CTAGE1: variants seen among roughly 807,000 people sequenced by gnomAD.
CTAGE1 encodes cutaneous T cell lymphoma-associated antigen 1.
For missense variants in CTAGE1, 963 were observed against 855.9 expected, an observed-to-expected ratio of 1.13 and a Z score of -1.56; for synonymous variants, 332 against 302.8, an observed-to-expected ratio of 1.10 and a Z score of -1.00.
chr18:22,414,537 G>T lies in CTAGE1; in HGVS notation c.*1037C>A, dbSNP rs1031524828. On this transcript the variant is annotated 3_prime_UTR_variant, in exon 1 of 1. Coordinates refer to ENST00000391403, the MANE Select transcript of CTAGE1 (RefSeq NM_172241.3). ...AAGGACTAATCCAAAATTTGAGGGCGTCTCTCAGGGAACACGATACATTTC... is the reference window on the plus strand; with the variant it reads ...AAGGACTAATCCAAAATTTGAGGGCTTCTCTCAGGGAACACGATACATTTC... 16 of 595,692 alleles carry T rather than the reference G, an allele frequency of 2.7e-5. No individual in the cohort carries two copies. The highest frequency in any genetic ancestry group is 4.7e-5 in the Non-Finnish European group (16 of 337,460). The allele number at this position is 595,692 out of a possible 1,614,324, so 36.9% of individuals were successfully genotyped here. A position where few individuals can be genotyped will look rare whatever the true frequency, so the allele number is the denominator to read the frequency against.
Position 22,417,008 on chromosome 18 carries a change from T to C in CTAGE1, c.804A>G (p.Glu268=), listed in dbSNP as rs752043867. The stretch of plus-strand genomic sequence containing the variant: ...TATCTAAGTAAGCACCATCTTCCGA[T>C]TCACTGTTCATTTCTAATTCCAAGT... ...DDNLELEMNS[E]SEDGAYLDNP... The change falls in exon 1 of 1, where the codon GAA becomes GAG. Residue 268 remains glutamate, a synonymous_variant. Transcript: ENST00000391403. 2 of 1,614,038 alleles carry C rather than the reference T, an allele frequency of 1.2e-6. No homozygotes were observed. The highest frequency in any genetic ancestry group is 1.7e-4 in the Middle Eastern group (1 of 6,056).
Position 22,417,779 on chromosome 18 carries a change from T to A in CTAGE1, c.33A>T (p.Pro11=). 1.9e-6 allele frequency: 3 copies of A among 1,614,170 alleles called. No homozygotes were observed. The highest frequency in any genetic ancestry group is 2.2e-5 in the South Asian group (2 of 91,080). ...CAGCTGCACGTATCACCAATTCCCA[T>A]GGAAAACCATAAGGATGAGAATCGG... The part of the protein sequence containing the change: MRPDSHPYGF[P]WELVIRAAVA... Residue 11 remains proline (P), a synonymous_variant, in exon 1 of 1, where the codon CCA becomes CCT. Transcript: ENST00000391403.
At position 22,414,991 on chromosome 18, in the gene CTAGE1, A is replaced by C. The variant is rs903152308; in HGVS notation, c.*583T>G. ...CTCAAAGTACTGAAAGAGGATATAA[A>C]ATCTATAAGACAGGAGATCCAAGAT... On this transcript the variant is annotated 3_prime_UTR_variant, in exon 1 of 1. Transcript: ENST00000391403. 4 of 588,624 alleles carry C rather than the reference A, an allele frequency of 6.8e-6. No individual in the cohort carries two copies. The highest frequency in any genetic ancestry group is 1.2e-5 in the Non-Finnish European group (4 of 334,220). The allele number at this position is 588,624 out of a possible 1,614,324, so 36.5% of individuals were successfully genotyped here.
chr18:22,417,292 A>C lies in CTAGE1; in HGVS notation c.520T>G (p.Leu174Val), dbSNP rs779924699. 10 of 1,613,762 alleles carry C rather than the reference A, an allele frequency of 6.2e-6. No homozygotes were observed. In the South Asian group the frequency reaches 1.1e-4, roughly 18 times the overall value. The part of the protein sequence containing the change: ...FKRFQANEER[L>V]EIEIQDAWKE... ...CAAGCATCTTGTATTTCTATCTCCA[A>C]CCGTTCTTCATTCGCTTGAAATCTC... The change falls in exon 1 of 1, where the codon TTG becomes GTG. Residue 174 changes from leucine (L) to valine (V), a missense_variant. Leu to Val is a conservative substitution (Grantham distance 32). Transcript: ENST00000391403.
In CTAGE1 at chr18:22,416,807, C is replaced by T. The variant is rs565198412; in HGVS notation, c.1005G>A (p.Gln335=). The change falls in exon 1 of 1, where the codon CAG becomes CAA. Residue 335 remains glutamine (Q), a synonymous_variant. Transcript: ENST00000391403. ...CACTTTCAAAATGTGTGTTTTCTGA[C>T]TGCAAAGATGCTTGTTCAGTCTGAA... The part of the protein sequence containing the change: ...KNLQTEQASL[Q]SENTHFESEN... The T allele has an allele frequency of 1.9e-6, 3 of 1,612,562 alleles. No homozygotes were observed. The East Asian group carries it at 6.7e-5, about 36-fold the overall frequency.
At position 22,415,724 on chromosome 18, in the gene CTAGE1, C is replaced by A; in HGVS notation, c.2088G>T (p.Val696=). ...PPFPPPPPGT[V]FGASPDYFSP... Reference sequence around the variant, plus strand: ...AAAAATAATCTGGAGAAGCTCCAAACACGGTTCCTGGAGGAGGTGGGGGGA... The same window carrying A: ...AAAAATAATCTGGAGAAGCTCCAAAAACGGTTCCTGGAGGAGGTGGGGGGA... The change falls in exon 1 of 1, where the codon GTG becomes GTT. Residue 696 remains valine, a synonymous_variant. Coordinates refer to ENST00000391403, the MANE Select transcript of CTAGE1 (RefSeq NM_172241.3). 6.2e-7 allele frequency: 1 copy of A among 1,614,052 alleles called. No individual in the cohort carries two copies. The highest frequency in any genetic ancestry group is 8.5e-7 in the Non-Finnish European group (1 of 1,179,986).
Position 22,416,194 on chromosome 18 carries a change from T to C in CTAGE1, c.1618A>G (p.Thr540Ala), listed in dbSNP as rs751591813. The change falls in exon 1 of 1, where the codon ACC becomes GCC. Residue 540 changes from threonine to alanine, a missense_variant. Transcript: ENST00000391403. Reference protein sequence around the residue: ...GPGNPPDHQITKERGESSCDR... With the variant: ...GPGNPPDHQIAKERGESSCDR... Reference sequence around the variant, plus strand: ...CAGCTTGATTCTCCTCTTTCTTTGGTAATCTGATGGTCCGGAGGATTCCCT... The same window carrying C: ...CAGCTTGATTCTCCTCTTTCTTTGGCAATCTGATGGTCCGGAGGATTCCCT... 6.2e-6 allele frequency: 10 copies of C among 1,613,934 alleles called. No homozygotes were observed. The highest frequency in any genetic ancestry group is 8.5e-6 in the Non-Finnish European group (10 of 1,179,860).
rs779175519 is a variant in CTAGE1 at position 22,415,601 on chromosome 18, T to G, written c.2211A>C (p.Ala737=). 27 of 1,607,480 alleles carry G rather than the reference T, an allele frequency of 1.7e-5. No individual in the cohort carries two copies. The highest frequency in any genetic ancestry group is 2.2e-5 in the Non-Finnish European group (26 of 1,176,702). Residue 737 remains alanine (A), a synonymous_variant, in exon 1 of 1, where the codon GCA becomes GCC. Transcript: ENST00000391403. ...AGAATGTGGGGGCTGGGGGGAAAAATGCAGGTCTTGGGGGACGGTAAGGAA... is the reference window on the plus strand; with the variant it reads ...AGAATGTGGGGGCTGGGGGGAAAAAGGCAGGTCTTGGGGGACGGTAAGGAA... ...GFLPYRPPRP[A]FFPPAPTF
At position 22,415,986 on chromosome 18, in the gene CTAGE1, A is replaced by T. The variant is rs566641623; in HGVS notation, c.1826T>A (p.Leu609His). ...NCARLSGPAE[L>H]RSFNMPSLDK... Reference sequence around the variant, plus strand: ...CAAAGAAGGCATATTAAAACTTCTGAGTTCTGCTGGTCCAGAGAGTCTAGC... The same window carrying T: ...CAAAGAAGGCATATTAAAACTTCTGTGTTCTGCTGGTCCAGAGAGTCTAGC... The change falls in exon 1 of 1, where the codon CTC becomes CAC. Residue 609 changes from leucine to histidine, a missense_variant. Leu to His is a moderately conservative substitution (Grantham distance 99). Coordinates refer to ENST00000391403, the MANE Select transcript of CTAGE1 (RefSeq NM_172241.3). The T allele has an allele frequency of 6.2e-7, 1 of 1,613,948 alleles. No homozygotes were observed. Among genetic ancestry groups the T allele is most frequent in the Admixed American group, 1.7e-5 (1 of 60,022 alleles).
Position 22,416,764 on chromosome 18 carries a change from G to C in CTAGE1, c.1048C>G (p.Gln350Glu). Residue 350 changes from glutamine to glutamate, a missense_variant, in exon 1 of 1, where the codon CAG (glutamine) becomes GAG (glutamate). Transcript: ENST00000391403. The part of the protein sequence containing the change: ...HFESENQKLQ[Q>E]KLKVMTELYQ... Reference sequence around the variant, plus strand: ...AATTCAGTCATTACTTTAAGTTTCTGCTGAAGCTTCTGATTCTCACTTTCA... The same window carrying C: ...AATTCAGTCATTACTTTAAGTTTCTCCTGAAGCTTCTGATTCTCACTTTCA... The C allele has an allele frequency of 6.2e-7, 1 of 1,612,406 alleles. No individual in the cohort carries two copies. The highest frequency in any genetic ancestry group is 1.7e-5 in the Admixed American group (1 of 59,930).
rs1306666043 is a variant in CTAGE1, at chr18:22,414,675, A to C, written c.*899T>G. 2.8e-6 allele frequency: 2 copies of C among 702,830 alleles called. No homozygotes were observed. Among genetic ancestry groups the C allele is most frequent in the Admixed American group, 4.0e-5 (2 of 50,006 alleles). The allele number at this position is 702,830 out of a possible 1,614,324, so 43.5% of individuals were successfully genotyped here. ...CCCCTTGCCACAGCAAGAGAAAAGCAGAACATAAAACTAAAACTATTAGAA... is the reference window on the plus strand; with the variant it reads ...CCCCTTGCCACAGCAAGAGAAAAGCCGAACATAAAACTAAAACTATTAGAA... On this transcript the variant is annotated 3_prime_UTR_variant, in exon 1 of 1. Transcript: ENST00000391403.
Position 22,415,587 on chromosome 18 carries a change from G to T in CTAGE1, c.2225C>A (p.Ala742Asp), listed in dbSNP as rs550845102. ...RPPRPAFFPP[A>D]PTF ...CTCATTCTACCTTCAGAATGTGGGG[G>T]CTGGGGGGAAAAATGCAGGTCTTGG... The change falls in exon 1 of 1, where the codon GCC (alanine) becomes GAC (aspartate). Residue 742 changes from alanine to aspartate, a missense_variant. Ala to Asp is a moderately radical substitution (Grantham distance 126). Transcript: ENST00000391403. The T allele has an allele frequency of 7.5e-6, 12 of 1,603,338 alleles. No homozygotes were observed. Among genetic ancestry groups the T allele is most frequent in the South Asian group, 4.5e-5 (4 of 89,240 alleles).
chr18:22,417,287 C>G lies in CTAGE1; in HGVS notation c.525G>C (p.Glu175Asp), dbSNP rs2035027719. The change falls in exon 1 of 1, where the codon GAG becomes GAC. Residue 175 changes from glutamate (E) to aspartate (D), a missense_variant. Physicochemically the swap from Glu to Asp is conservative, Grantham distance 45. Coordinates refer to ENST00000391403, the MANE Select transcript of CTAGE1 (RefSeq NM_172241.3). ...CTTTCCAAGCATCTTGTATTTCTAT[C>G]TCCAACCGTTCTTCATTCGCTTGAA... ...KRFQANEERL[E>D]IEIQDAWKEN... 1 of 1,613,864 alleles carries G rather than the reference C, an allele frequency of 6.2e-7. No individual in the cohort carries two copies. The highest frequency in any genetic ancestry group is 8.5e-7 in the Non-Finnish European group (1 of 1,179,878).
chr18:22,415,544 A>G lies in CTAGE1; in HGVS notation c.*30T>C. 1 of 1,534,360 alleles carries G rather than the reference A, an allele frequency of 6.5e-7. No homozygotes were observed. Among genetic ancestry groups the G allele is most frequent in the Non-Finnish European group, 8.8e-7 (1 of 1,133,000 alleles). On this transcript the variant is annotated 3_prime_UTR_variant, in exon 1 of 1. Transcript: ENST00000391403. ...CAGCAGCAGGCTCATTTGAAGTCGG[A>G]CTCAACCCTGATGGAAACTCATTCT...
Position 22,414,900 on chromosome 18 carries a change from C to A in CTAGE1, c.*674G>T. 1 of 665,600 alleles carries A rather than the reference C, an allele frequency of 1.5e-6. No homozygotes were observed. Among genetic ancestry groups the A allele is most frequent in the Non-Finnish European group, 2.7e-6 (1 of 371,808 alleles). The allele number at this position is 665,600 out of a possible 1,614,324, so 41.2% of individuals were successfully genotyped here. Reference sequence around the variant, plus strand: ...AAGACGAAGGGAAGGAAAGGGAGGGCGAAGAAACCATTCTTGAGGAAAACA... The same window carrying A: ...AAGACGAAGGGAAGGAAAGGGAGGGAGAAGAAACCATTCTTGAGGAAAACA... On this transcript the variant is annotated 3_prime_UTR_variant, in exon 1 of 1. Transcript: ENST00000391403.
chr18:22,415,579 A>G lies in CTAGE1; in HGVS notation c.2233T>C (p.Phe745Leu). 1 of 1,583,924 alleles carries G rather than the reference A, an allele frequency of 6.3e-7. No homozygotes were observed. The highest frequency in any genetic ancestry group is 8.6e-7 in the Non-Finnish European group (1 of 1,162,476). ...GATGGAAACTCATTCTACCTTCAGA[A>G]TGTGGGGGCTGGGGGGAAAAATGCA... is the stretch of plus-strand genomic sequence containing the variant. ...RPAFFPPAPT[F>L] is the part of the protein sequence containing the mutation. The change falls in exon 1 of 1, where the codon TTC (phenylalanine) becomes CTC (leucine). Residue 745 changes from phenylalanine to leucine, a missense_variant. Phe to Leu is a conservative substitution (Grantham distance 22). Coordinates refer to ENST00000391403, the MANE Select transcript of CTAGE1 (RefSeq NM_172241.3).
In CTAGE1 at chr18:22,416,544, A is replaced by C; in HGVS notation, c.1268T>G (p.Ile423Ser). ...KTIHFYQKKI[I>S]LHEKKAHDNW... ...ATCATGTGCTTTTTTCTCATGGAGA[A>C]TAATCTTCTTTTGATAAAAATGAAT... The change falls in exon 1 of 1, where the codon ATT becomes AGT. Residue 423 changes from isoleucine to serine, a missense_variant. Physicochemically the swap from Ile to Ser is moderately radical, Grantham distance 142. Transcript: ENST00000391403. 3 of 1,611,152 alleles carry C rather than the reference A, an allele frequency of 1.9e-6. No homozygotes were observed. The highest frequency in any genetic ancestry group is 2.5e-6 in the Non-Finnish European group (3 of 1,179,406).
Position 22,416,844 on chromosome 18 carries a change from T to G in CTAGE1, c.968A>C (p.His323Pro). The G allele has an allele frequency of 6.2e-7, 1 of 1,613,058 alleles. No individual in the cohort carries two copies. The highest frequency in any genetic ancestry group is 2.2e-5 in the East Asian group (1 of 44,864). The change falls in exon 1 of 1, where the codon CAT becomes CCT. Residue 323 changes from histidine (H) to proline (P), a missense_variant. His to Pro is a moderately conservative substitution (Grantham distance 77). Transcript: ENST00000391403. ...TTGTTCAGTCTGAAGATTTTTAATA[T>G]GCTCTGTAAGCTCTTCCTTTGTTTT... ...VDKTKEELTE[H>P]IKNLQTEQAS...
rs7227477 is a variant in CTAGE1, at chr18:22,416,048, G to A, written c.1764C>T (p.Leu588=). 0.48 allele frequency: 773,175 copies of A among 1,613,514 alleles called. 187,198 individuals are homozygous for A. Among genetic ancestry groups the A allele is most frequent in the East Asian group, 0.61 (27,395 of 44,862 alleles). ...AAAATCTGTCTTGCCTTTGTGGAGG[G>A]AGAGCTGAATCAGGATATGATTGTC... The part of the protein sequence containing the change: ...PPGQSYPDSA[L]PPQRQDRFYS... The change falls in exon 1 of 1, where the codon CTC becomes CTT. Residue 588 remains leucine, a synonymous_variant. Transcript: ENST00000391403.
Sources: gnomAD v4.1 joint callset for allele counts on GRCh38, gnomAD v4.1.1 for gene constraint, MANE v1.5 for transcripts, NCBI Gene and HGNC (gene_info 2026-07-23, HGNC 2026-07-21) for gene names.